Variants in SPAG17 observed in about 807,000 individuals in gnomAD.
SPAG17 encodes the protein sperm-associated antigen 17.
A neutral mutation model predicts 273.6 loss-of-function variants in SPAG17; 169 were observed. The observed-to-expected ratio is 0.62, with a 90% CI of 0.55 to 0.70. The LOEUF is 0.70. Among genes scored for constraint, SPAG17 ranks in the 30% least tolerant of loss-of-function variants. SPAG17 has a pLI of 0.00. For missense variants in SPAG17, 2,557 were observed against 2,627.8 expected, an observed-to-expected ratio of 0.97 and a Z score of 0.59; for synonymous variants, 825 against 873.2, an observed-to-expected ratio of 0.94 and a Z score of 0.97.
chr1:117,961,200 T>G, intron 48 of SPAG17: 1 of 152,294 alleles, frequency 6.6e-6, no homozygotes, highest in Non-Finnish European at 1.5e-5. Context: ...GGAGAATCAC[T>G]TGAACCCGGC....
At chr1:118,013,550 G>A (rs962092376) in intron 29 of SPAG17, among the ~76,000 whole-genome samples, 3 of 152,198 alleles carry the variant, frequency 2.0e-5, no homozygotes, top group East Asian at 3.9e-4. Context: ...TAACCTGTTT[G>A]TTGTCTGGTT....
chr1:118,103,478 A>T (rs533062089), intron 4 of SPAG17, among the ~76,000 whole-genome samples: 1 of 152,278 alleles, frequency 6.6e-6, no homozygotes, highest in East Asian at 1.9e-4. Flanking sequence ...TAAAGGCTGC[A>T]GGTATCACTC....
intron 28 of SPAG17, among the ~76,000 whole-genome samples, chr1:118,017,723 A>T (rs1660114504): frequency 6.6e-6 from 1 of 152,226 alleles, no homozygotes; most frequent in African/African-American, 2.4e-5. Context: ...CAATTTTGAT[A>T]CAAATGTATA....
Position 118,017,151 on chromosome 1 carries a change from G to A in SPAG17, c.4070-969C>T, listed in dbSNP as rs1660054735. Among the ~76,000 whole-genome samples the A allele has an allele frequency of 5.9e-5, 9 of 152,216 alleles. No individual in the cohort carries two copies. In the South Asian group the frequency reaches 1.7e-3, roughly 28 times the overall value. On this transcript the variant is annotated intron_variant, in intron 28 of 48. Coordinates refer to ENST00000336338, the MANE Select transcript of SPAG17 (RefSeq NM_206996.4). ...TTTTCATTGCCCTAAAATTTGATTT[G>A]GACATATTTATACTTCTAGAATATT...
Position 118,099,633 on chromosome 1 carries a change from G to A in SPAG17, c.802C>T (p.Gln268Ter). Residue 268 changes from glutamine to a stop codon, truncating the protein, a stop_gained, in exon 6 of 49, where the codon CAG becomes TAG. Coordinates refer to ENST00000336338, the MANE Select transcript of SPAG17 (RefSeq NM_206996.4). LOFTEE classifies it high-confidence loss of function. The part of the protein sequence containing the change: ...LQTHLAAVNQ[Q>*]QEVLLQSEDL... ...TCTGACTGAAGAAGAACTTCCTGCT[G>A]CTGGTTAACTGCTGCCAGGTGTGTC... is the stretch of plus-strand genomic sequence containing the variant. 6.2e-7 allele frequency: 1 copy of A among 1,614,076 alleles called. No individual in the cohort carries two copies. Among genetic ancestry groups the A allele is most frequent in the South Asian group, 1.1e-5 (1 of 91,078 alleles).
chr1:117,997,081 T>C (rs973361287), intron 32 of SPAG17, among the ~76,000 whole-genome samples: 6 of 152,142 alleles, frequency 3.9e-5, no homozygotes, highest in African/African-American at 1.4e-4. Flanking sequence ...ACTCATGCAA[T>C]AGTTGTCTTG....
intron 32 of SPAG17, among the ~76,000 whole-genome samples, chr1:118,003,632 T>G (rs960182445): frequency 6.6e-6 from 1 of 152,234 alleles, no homozygotes; most frequent in African/African-American, 2.4e-5. Flanking sequence ...GCATGTGTCA[T>G]GAAGTTCTCA....
chr1:118,079,361 T>G (rs1160775843), intron 15 of SPAG17, among the ~76,000 whole-genome samples: 1 of 152,102 alleles, frequency 6.6e-6, no homozygotes, highest in African/African-American at 2.4e-5. Context: ...TTATATTATC[T>G]TGCAATCTTT....
intron 35 of SPAG17, among the ~76,000 whole-genome samples, chr1:117,993,425 G>A (rs1446030880): frequency 6.6e-6 from 1 of 152,116 alleles, no homozygotes; most frequent in Non-Finnish European, 1.5e-5. Flanking sequence ...CTTAAAATTT[G>A]GATATAGCCT....
chr1:118,028,412 T>A lies in SPAG17; in HGVS notation c.3610-18A>T, dbSNP rs910298895. 1 of 1,611,704 alleles carries A rather than the reference T, an allele frequency of 6.2e-7. No homozygotes were observed. Among genetic ancestry groups the A allele is most frequent in the South Asian group, 1.1e-5 (1 of 90,510 alleles). On this transcript the variant is annotated intron_variant, in intron 25 of 48. Transcript: ENST00000336338. The stretch of plus-strand genomic sequence containing the variant: ...TCTTCTTCCTGTAAATAATTCAGCA[T>A]GTGAATAATGGGCTGTCATTTTCTT...
intron 1 of SPAG17, among the ~76,000 whole-genome samples, chr1:118,177,680 G>C (rs1334269480): frequency 6.6e-6 from 1 of 151,922 alleles, no homozygotes; most frequent in Non-Finnish European, 1.5e-5. Context: ...TCTTTAGCTA[G>C]ACTAAGAAAA....
chr1:118,150,570 T>C lies in SPAG17; in HGVS notation c.288A>G (p.Val96=), dbSNP rs757950333. 6.3e-7 allele frequency: 1 copy of C among 1,578,996 alleles called. No homozygotes were observed. Among genetic ancestry groups the C allele is most frequent in the Non-Finnish European group, 8.7e-7 (1 of 1,152,942 alleles). ...SASSKKAKKP[V]GGNAPLYYEV... is the part of the protein sequence containing the mutation. ...CATAATATAAAGGAGCATTACCACC[T>C]ACAGGTTTTTTTGCCTTTTTAGATG... Residue 96 remains valine (V), a synonymous_variant, in exon 3 of 49, where the codon GTA becomes GTG. Transcript: ENST00000336338.
intron 1 of SPAG17, among the ~76,000 whole-genome samples, chr1:118,156,174 G>A (rs951069809): frequency 6.6e-6 from 1 of 152,138 alleles, no homozygotes; most frequent in African/African-American, 2.4e-5. Flanking sequence ...TACTGTTAAA[G>A]TAATCCTTAT....
At chr1:118,143,075 A>G (rs1658769621) in intron 3 of SPAG17, among the ~76,000 whole-genome samples, 1 of 152,244 alleles carries the variant, frequency 6.6e-6, no homozygotes, top group Non-Finnish European at 1.5e-5. Context: ...TGTGGGCAAA[A>G]GCCACTCATC....
chr1:118,115,251 C>A (rs1385769405), intron 4 of SPAG17, 59 bp downstream of exon 4: 1 of 1,590,280 alleles, frequency 6.3e-7, no homozygotes, highest in Non-Finnish European at 8.6e-7. Context: ...CTGGAGAAAC[C>A]TGGCTCCATT....
chr1:117,981,266 A>G lies in SPAG17; in HGVS notation c.6004+4T>C, dbSNP rs1400165497. On this transcript the variant is annotated splice_donor_region_variant and intron_variant, in intron 43 of 48. Coordinates refer to ENST00000336338, the MANE Select transcript of SPAG17 (RefSeq NM_206996.4). ...AAGCAATAAGATAAAAAAGACTGCC[A>G]TACCTTCAGGAGATTTTGTTAAATT... 2 of 1,559,602 alleles carry G rather than the reference A, an allele frequency of 1.3e-6. No individual in the cohort carries two copies. The highest frequency in any genetic ancestry group is 1.4e-5 in the African/African-American group (1 of 71,044).
chr1:118,086,101 A>G (rs1488577694), intron 12 of SPAG17, 29 bp from the exon 13 acceptor site: 2 of 1,609,788 alleles, frequency 1.2e-6, no homozygotes, highest in Admixed American at 1.7e-5. Flanking sequence ...ATGACAGAAG[A>G]CATTAGAGTA....
At chr1:118,163,953 G>A (rs755049815) in intron 1 of SPAG17, among the ~76,000 whole-genome samples, 15 of 152,084 alleles carry the variant, frequency 9.9e-5, no homozygotes, top group Admixed American at 2.0e-4. Flanking sequence ...TTTGTATGTT[G>A]GGGACTTGAA....
intron 17 of SPAG17, among the ~76,000 whole-genome samples, chr1:118,072,825 T>C (rs1024817458): frequency 2.6e-5 from 4 of 151,944 alleles, no homozygotes; most frequent in Admixed American, 2.6e-4. Context: ...TACCTGTACA[T>C]GCACATGTGT....
Sources: allele counts gnomAD v4.1 joint callset (sites outside exome capture counted in the v4.1 genomes callset), GRCh38; gene constraint gnomAD v4.1.1; transcripts MANE v1.5; gene names NCBI Gene and HGNC (gene_info 2026-07-23, HGNC 2026-07-21).